SEM1: variants seen among roughly 807,000 people sequenced by gnomAD.
SEM1 encodes SEM1 26S proteasome subunit, also known as 26S proteasome complex subunit SEM1.
In SEM1, 3 loss-of-function variants were observed where a neutral mutation model predicts 12.7. That is an observed-to-expected ratio of 0.24 (90% CI 0.11 to 0.61). The LOEUF (loss-of-function observed/expected upper bound fraction) is 0.61, where lower values mean the gene tolerates loss of function less well. Among genes scored for constraint, SEM1 ranks in the 20% least tolerant of loss-of-function variants. The pLI, the probability that SEM1 is intolerant of heterozygous loss-of-function variation, is 0.88. For synonymous variants in SEM1, 30 were observed against 27.8 expected (o/e 1.08, Z -0.25); for missense variants, 59 against 81.3 (o/e 0.73, Z 1.06).
downstream of SEM1, chr7:96,672,619 T>C (rs2115576420): frequency 6.6e-6 from 1 of 152,360 alleles, no homozygotes; most frequent in Non-Finnish European, 1.5e-5. Flanking sequence ...ACTCTCTAGT[T>C]AAGCTAACAA....
intron 2 of SEM1, among the ~76,000 whole-genome samples, chr7:96,661,764 G>T (rs1464365377): frequency 6.6e-6 from 1 of 152,108 alleles, no homozygotes; most frequent in Admixed American, 6.5e-5. Flanking sequence ...GAGGCGGGCA[G>T]ATCACCTGAG....
At chr7:96,581,843 G>A (rs558105830) in intron 2 of SEM1, among the ~76,000 whole-genome samples, 1 of 151,980 alleles carries the variant, frequency 6.6e-6, no homozygotes, top group Non-Finnish European at 1.5e-5. Context: ...CTTTGCTGAA[G>A]TTGCTTATCA....
At chr7:96,638,312 A>G (rs1808490481) in intron 2 of SEM1, among the ~76,000 whole-genome samples, 1 of 151,936 alleles carries the variant, frequency 6.6e-6, no homozygotes, top group African/African-American at 2.4e-5. Flanking sequence ...CCCACCTTCT[A>G]GGGCACAAAA....
chr7:96,488,786 C>G (rs187264097), intron 1 of SEM1, among the ~76,000 whole-genome samples: 1 of 152,086 alleles, frequency 6.6e-6, no homozygotes, highest in Non-Finnish European at 1.5e-5. Flanking sequence ...TAGCTTGATT[C>G]TGGCAAAGAG....
chr7:96,602,893 G>A (rs545322532), intron 2 of SEM1, among the ~76,000 whole-genome samples: 35 of 152,222 alleles, frequency 2.3e-4, no homozygotes, highest in African/African-American at 7.9e-4. Flanking sequence ...AGAAGGTGAC[G>A]TACAGCCAGA....
intron 2 of SEM1, among the ~76,000 whole-genome samples, chr7:96,582,237 T>G (rs1356405079): frequency 1.3e-5 from 2 of 149,502 alleles, no homozygotes; most frequent in Admixed American, 6.7e-5. Flanking sequence ...AATCATGTGG[T>G]TTTTGTCTTT....
At chr7:96,552,617 T>A (rs1160878072) in intron 2 of SEM1, among the ~76,000 whole-genome samples, 2 of 147,302 alleles carry the variant, frequency 1.4e-5, no homozygotes, top group East Asian at 2.0e-4. Flanking sequence ...TGGTTCCAAG[T>A]CTTTGCTATT....
At chr7:96,592,570 CG>C (rs1364876036) in intron 2 of SEM1, among the ~76,000 whole-genome samples, 3 of 151,494 alleles carry the variant, frequency 2.0e-5, no homozygotes, top group African/African-American at 7.3e-5. Flanking sequence ...ACCATGACAC[CG>C]GCTGTCACGT....
At chr7:96,598,435 T>C (rs1158246044) in intron 2 of SEM1, among the ~76,000 whole-genome samples, 2 of 151,922 alleles carry the variant, frequency 1.3e-5, no homozygotes, top group Non-Finnish European at 2.9e-5. Context: ...ACAGCTGCCC[T>C]ACATGGCTTT....
intron 2 of SEM1, among the ~76,000 whole-genome samples, chr7:96,554,954 T>A (rs7808596): frequency 0.5 from 47,836 of 95,174 alleles, 13,645 homozygotes; most frequent in Non-Finnish European, 0.6. Flanking sequence ...AAATTTATCC[T>A]TTTCTTCTAG....
intron 2 of SEM1, among the ~76,000 whole-genome samples, chr7:96,578,387 A>G (rs1326830375): frequency 6.6e-6 from 1 of 152,186 alleles, no homozygotes; most frequent in Admixed American, 6.5e-5. Context: ...ACACTAGGTA[A>G]CTTAAAACAA....
At chr7:96,643,574 G>A (rs966153357) in intron 2 of SEM1, among the ~76,000 whole-genome samples, 1 of 151,962 alleles carries the variant, frequency 6.6e-6, no homozygotes, top group East Asian at 1.9e-4. Flanking sequence ...ATTAATGATA[G>A]ACTGGCTAAA....
chr7:96,643,140 C>G (rs193208990), intron 2 of SEM1, among the ~76,000 whole-genome samples: 1 of 151,946 alleles, frequency 6.6e-6, no homozygotes, highest in Non-Finnish European at 1.5e-5. Context: ...GTGTGTTGTT[C>G]CCACATATGT....
intron 2 of SEM1, among the ~76,000 whole-genome samples, chr7:96,541,969 A>G (rs1451391661): frequency 8.1e-6 from 1 of 123,996 alleles, no homozygotes; most frequent in Non-Finnish European, 1.6e-5. Context: ...TTTTTTTCCA[A>G]TAGCATGCTC....
intron 2 of SEM1, among the ~76,000 whole-genome samples, chr7:96,674,674 AAAGT>A (rs1003268954): frequency 6.6e-6 from 1 of 152,154 alleles, no homozygotes; most frequent in African/African-American, 2.4e-5. Context: ...CTCAAAATAA[AAAGT>A]AATAAAAGTA....
At chr7:96,656,706 GA>G (rs1309403520) in intron 2 of SEM1, 1 of 151,938 alleles carries the variant, frequency 6.6e-6, no homozygotes, top group Non-Finnish European at 1.5e-5. Context: ...AAGATGAAGT[GA>G]TAAAAATAAT....
At chr7:96,644,211 G>A (rs781406665) in intron 2 of SEM1, among the ~76,000 whole-genome samples, 41 of 152,226 alleles carry the variant, frequency 2.7e-4, no homozygotes, top group Non-Finnish European at 5.0e-4. Context: ...CTGTGTGGTG[G>A]AGGTGGGATT....
At chr7:96,684,730 T>C (rs1789713780), downstream of SEM1, among the ~76,000 whole-genome samples, 3 of 151,684 alleles carry the variant, frequency 2.0e-5, no homozygotes, top group South Asian at 6.2e-4. Context: ...TAATGAAGGG[T>C]TCTCTTCTCA....
intron 2 of SEM1, among the ~76,000 whole-genome samples, chr7:96,615,696 A>T (rs953501668): frequency 1.3e-5 from 2 of 152,188 alleles, no homozygotes; most frequent in South Asian, 4.1e-4. Context: ...CATAACCCAC[A>T]TAGTAAGCAT....
Sources: gnomAD v4.1 joint callset for allele counts (sites outside exome capture counted in the v4.1 genomes callset) on GRCh38, gnomAD v4.1.1 for gene constraint, MANE v1.5 for transcripts, NCBI Gene and HGNC (gene_info 2026-07-23, HGNC 2026-07-21) for gene names.